FRAS1: variants seen among roughly 807,000 people sequenced by gnomAD.
FRAS1 encodes the protein extracellular matrix organizing protein FRAS1.
In FRAS1, 290 loss-of-function variants were observed where a neutral mutation model predicts 435.2. The ratio of observed to expected loss-of-function variants is 0.67; its 90% CI spans 0.61 to 0.73. The LOEUF is 0.73. Ranked by LOEUF, FRAS1 falls within the 30% of genes least tolerant of loss-of-function variation. FRAS1 has a pLI of 0.00. For synonymous variants in FRAS1, 1,800 were observed against 1,851.0 expected (o/e 0.97, Z 0.71); for missense variants, 4,860 against 5,001.5 (o/e 0.97, Z 0.85).
At chr4:78,170,533 A>C (rs1225681097) in intron 2 of FRAS1, among the ~76,000 whole-genome samples, 1 of 152,118 alleles carries the variant, frequency 6.6e-6, no homozygotes, top group Non-Finnish European at 1.5e-5. Context: ...GCCGCCATAG[A>C]TGAGATCTGC....
intron 69 of FRAS1, among the ~76,000 whole-genome samples, chr4:78,526,275 T>A (rs141061004): frequency 2.6e-5 from 4 of 152,208 alleles, no homozygotes; most frequent in Non-Finnish European, 5.9e-5. Flanking sequence ...TCATATGTAG[T>A]CTGCCTTTCT....
At chr4:78,198,720 C>T (rs898636447) in intron 2 of FRAS1, among the ~76,000 whole-genome samples, 1 of 152,146 alleles carries the variant, frequency 6.6e-6, no homozygotes, top group African/African-American at 2.4e-5. Context: ...GACAACAAGG[C>T]CAACCCCTCC....
At chr4:78,539,261 T>G (rs1721976714) in intron 72 of FRAS1, 33 bp from the exon 73 acceptor site, 1 of 1,599,322 alleles carries the variant, frequency 6.3e-7, no homozygotes, top group Non-Finnish European at 8.5e-7. Context: ...ACCATCTTTC[T>G]AAATCTTGCA....
At chr4:78,246,842 C>CA (rs1293207658) in intron 4 of FRAS1, among the ~76,000 whole-genome samples, 15 of 152,142 alleles carry the variant, frequency 9.9e-5, no homozygotes. Flanking sequence ...CTAATGACAT[C>CA]ATATGCTCTC....
intron 2 of FRAS1, among the ~76,000 whole-genome samples, chr4:78,230,884 G>T (rs1280310831): frequency 6.6e-6 from 1 of 152,130 alleles, no homozygotes; most frequent in Non-Finnish European, 1.5e-5. Flanking sequence ...CTGTAGTCCA[G>T]GGTCTATCTA....
intron 2 of FRAS1, among the ~76,000 whole-genome samples, chr4:78,168,042 G>A (rs555619110): frequency 2.0e-5 from 3 of 151,354 alleles, no homozygotes; most frequent in Admixed American, 6.6e-5. Flanking sequence ...ATTCAATAAA[G>A]GGAGTACCAG....
Position 78,092,195 on chromosome 4 carries a change from T to C in FRAS1, c.108+26179T>C, listed in dbSNP as rs183833747. ...GTTCAAATCCCACTTTGCTGCTTTC[T>C]TAGGAAGTGATTTTCTGTGTGTTAT... On this transcript the variant is annotated intron_variant, in intron 2 of 73. Coordinates refer to ENST00000512123, the MANE Select transcript of FRAS1 (RefSeq NM_025074.7). Among the ~76,000 whole-genome samples the C allele has an allele frequency of 1.8e-3, 270 of 152,184 alleles. 1 individual carries two copies. The highest frequency in any genetic ancestry group is 0.01 in the Middle Eastern group (3 of 294).
chr4:78,307,424 T>G (rs1728804679), intron 14 of FRAS1, among the ~76,000 whole-genome samples: 1 of 152,228 alleles, frequency 6.6e-6, no homozygotes, highest in South Asian at 2.1e-4. Context: ...TTTGTTTACC[T>G]AAGCAAGCCT....
chr4:78,193,553 C>G (rs367959005), intron 2 of FRAS1, among the ~76,000 whole-genome samples: 7 of 151,994 alleles, frequency 4.6e-5, no homozygotes, highest in African/African-American at 4.8e-5. Context: ...TTTGATCTTT[C>G]TTGGTTTAAA....
At chr4:78,367,683 C>T (rs989618017) in intron 22 of FRAS1, among the ~76,000 whole-genome samples, 3 of 151,846 alleles carry the variant, frequency 2.0e-5, no homozygotes, top group Non-Finnish European at 2.9e-5. Flanking sequence ...AGGTCTTCTT[C>T]ATCCTGTATT....
chr4:78,211,934 A>G (rs1393893596), intron 2 of FRAS1, among the ~76,000 whole-genome samples: 1 of 152,162 alleles, frequency 6.6e-6, no homozygotes, highest in Non-Finnish European at 1.5e-5. Context: ...TATTTTAGAA[A>G]TGGAATCATA....
chr4:78,105,650 G>A (rs1742374077), intron 2 of FRAS1, among the ~76,000 whole-genome samples: 1 of 152,026 alleles, frequency 6.6e-6, no homozygotes. Flanking sequence ...ACATCACAGG[G>A]GAAATGTACA....
intron 4 of FRAS1, among the ~76,000 whole-genome samples, chr4:78,247,577 G>T (rs1467339474): frequency 6.6e-6 from 1 of 152,034 alleles, no homozygotes; most frequent in Non-Finnish European, 1.5e-5. Flanking sequence ...ACTCCTTAGT[G>T]CATTAATTTT....
At chr4:78,309,929 C>T (rs544539552) in intron 15 of FRAS1, among the ~76,000 whole-genome samples, 93 of 152,272 alleles carry the variant, frequency 6.1e-4, no homozygotes, top group African/African-American at 2.2e-3. Context: ...TTATCGTCCT[C>T]ATTTTGTTCA....
rs1470842591 is a variant in FRAS1 at position 78,464,534 on chromosome 4, G to A, written c.6980G>A (p.Arg2327Lys). The change falls in exon 49 of 74, where the codon AGG (arginine) becomes AAG (lysine). Residue 2327 changes from arginine (R) to lysine (K), a missense_variant. Coordinates refer to ENST00000512123, the MANE Select transcript of FRAS1 (RefSeq NM_025074.7). ...GGAATGCGGGTGCAGGAGGGCATGA[G>A]GAAGACCATCACAGAGTTTGAGCTT... ...NLGMRVQEGM[R>K]KTITEFELKA... The A allele has an allele frequency of 2.5e-6, 4 of 1,613,804 alleles. No individual in the cohort carries two copies. Among genetic ancestry groups the A allele is most frequent in the African/African-American group, 1.3e-5 (1 of 74,900 alleles).
At chr4:78,392,031 G>A (rs1455480018) in intron 29 of FRAS1, among the ~76,000 whole-genome samples, 1 of 152,112 alleles carries the variant, frequency 6.6e-6, no homozygotes, top group Non-Finnish European at 1.5e-5. Flanking sequence ...ATCTCATAAG[G>A]TGCATAATCA....
At chr4:78,320,757 T>C (rs1729471688) in intron 18 of FRAS1, among the ~76,000 whole-genome samples, 1 of 152,134 alleles carries the variant, frequency 6.6e-6, no homozygotes, top group South Asian at 2.1e-4. Context: ...AGCCTTGAAC[T>C]GTGCACCCTG....
At chr4:78,279,467 G>T (rs1325345230) in intron 10 of FRAS1, among the ~76,000 whole-genome samples, 2 of 152,240 alleles carry the variant, frequency 1.3e-5, no homozygotes, top group South Asian at 2.1e-4. Context: ...TAGGCAACCT[G>T]GTTGGTGGGG....
In FRAS1 at chr4:78,470,377, G is replaced by A. The variant is rs1049195539; in HGVS notation, c.7371+286G>A. ...TTTTTTTCTCACATATAGGGTGGAC[G>A]TAAGTGGGCAGTGCAGGGCTCTACA... On this transcript the variant is annotated intron_variant, in intron 51 of 73. Coordinates refer to ENST00000512123, the MANE Select transcript of FRAS1 (RefSeq NM_025074.7). Among the ~76,000 whole-genome samples, 9 of 152,268 alleles carry A rather than the reference G, an allele frequency of 5.9e-5. No homozygotes were observed. The East Asian group carries it at 9.7e-4, about 16-fold the overall frequency.
Sources: allele counts gnomAD v4.1 joint callset (sites outside exome capture counted in the v4.1 genomes callset), GRCh38; gene constraint gnomAD v4.1.1; transcripts MANE v1.5; gene names NCBI Gene and HGNC (gene_info 2026-07-23, HGNC 2026-07-21).